The following DDX43 variants were observed in gnomAD, a reference collection of about 807,000 sequenced individuals.
DDX43 encodes the protein DEAD-box helicase 43, also known as probable ATP-dependent RNA helicase DDX43.
DDX43 carries 50 observed loss-of-function variants against 84.9 expected under a neutral mutation model. The observed-to-expected ratio is 0.59, with a 90% CI of 0.47 to 0.75. DDX43 has a LOEUF of 0.75. Among genes scored for constraint, DDX43 ranks in the 30% least tolerant of loss-of-function variants. DDX43 has a pLI of 0.00. For missense variants in DDX43, 689 were observed against 798.6 expected, an observed-to-expected ratio of 0.86 and a Z score of 1.65; for synonymous variants, 291 against 266.3, an observed-to-expected ratio of 1.09 and a Z score of -0.90.
At chr6:73,412,699 G>A (rs1254610561) in intron 11 of DDX43, among the ~76,000 whole-genome samples, 6 of 135,728 alleles carry the variant, frequency 4.4e-5, no homozygotes, top group Non-Finnish European at 9.5e-5. Context: ...GTGCGCGTGC[G>A]TGCGCACGCA....
chr6:73,414,696 C>G lies in DDX43; in HGVS notation c.1745+10C>G, dbSNP rs771022351. The G allele has an allele frequency of 3.1e-6, 5 of 1,603,452 alleles. No individual in the cohort carries two copies. In the East Asian group the frequency reaches 1.1e-4, roughly 36 times the overall value. ...GCACGGGAAGAGCAGGGTAAGTAAG[C>G]TTAGTCCACCCATGAAAGGCCAATT... On this transcript the variant is annotated intron_variant, in intron 14 of 16. Transcript: ENST00000370336.
At chr6:73,395,682 G>C (rs1015799892) in intron 1 of DDX43, among the ~76,000 whole-genome samples, 3 of 151,658 alleles carry the variant, frequency 2.0e-5, no homozygotes, top group Non-Finnish European at 1.5e-5. Context: ...GTATTTGGGA[G>C]AGCAACTCCT....
chr6:73,405,858 A>G (rs2150794663), intron 6 of DDX43, 23 bp downstream of exon 6: 3 of 1,605,702 alleles, frequency 1.9e-6, no homozygotes, highest in Non-Finnish European at 2.6e-6. Flanking sequence ...TAATTACAAT[A>G]TTTCACTCAA....
chr6:73,406,574 TC>T, intron 7 of DDX43, 92 bp downstream of exon 7: 2 of 762,996 alleles, frequency 2.6e-6, no homozygotes, highest in Non-Finnish European at 4.3e-6. Flanking sequence ...TATTGCTTGA[TC>T]CAAAGGTAAT....
In DDX43 at chr6:73,406,472, C is replaced by G; in HGVS notation, c.916C>G (p.Leu306Val). Reference sequence around the variant, plus strand: ...AATGCCTGGATTTATTCATCTGGTCCTTCAACCCAGGTAAGAATTCCTATG... The same window carrying G: ...AATGCCTGGATTTATTCATCTGGTCGTTCAACCCAGGTAAGAATTCCTATG... ...YLMPGFIHLV[L>V]QPSLKGQRNR... Residue 306 changes from leucine to valine, a missense_variant, in exon 7 of 17, where the codon CTT becomes GTT. Leu to Val is a conservative substitution (Grantham distance 32, BLOSUM62 1). This residue lies in a region of DDX43 where 552 missense variants were observed against 692.7 expected (regional missense o/e 0.80). Transcript: ENST00000370336. 6.2e-7 allele frequency: 1 copy of G among 1,605,564 alleles called. No individual in the cohort carries two copies. The highest frequency in any genetic ancestry group is 8.5e-7 in the Non-Finnish European group (1 of 1,172,710).
intron 8 of DDX43, 118 bp downstream of exon 8, chr6:73,407,733 C>A: frequency 1.2e-6 from 1 of 844,848 alleles, no homozygotes; most frequent in Non-Finnish European, 1.9e-6. Context: ...CAGCATGGGT[C>A]AGGCATTTAG....
In DDX43 at chr6:73,413,649, A is replaced by G; in HGVS notation, c.1369-9A>G. On this transcript the variant is annotated splice_polypyrimidine_tract_variant and intron_variant, in intron 11 of 16. Coordinates refer to ENST00000370336, the MANE Select transcript of DDX43 (RefSeq NM_018665.3). ...GACCTTGATGAACTATGTTCTTTGA[A>G]TCCTTTAGGCTGTAAGTTCAGTGAA... 1.9e-6 allele frequency: 3 copies of G among 1,611,458 alleles called. No homozygotes were observed. The highest frequency in any genetic ancestry group is 2.5e-6 in the Non-Finnish European group (3 of 1,179,336).
chr6:73,398,377 G>A (rs1227225237), intron 2 of DDX43, among the ~76,000 whole-genome samples: 8 of 152,132 alleles, frequency 5.3e-5, no homozygotes, highest in African/African-American at 1.9e-4. Flanking sequence ...TCAGCCTCTG[G>A]AGTAGCTGGG....
At chr6:73,409,187 C>A in intron 9 of DDX43, 61 bp from the exon 10 acceptor site, 1 of 1,203,190 alleles carries the variant, frequency 8.3e-7, no homozygotes, top group Non-Finnish European at 1.2e-6. Context: ...ATAAAGAAAG[C>A]ATATGTATTA....
chr6:73,411,945 G>A (rs991087914), intron 10 of DDX43, among the ~76,000 whole-genome samples: 8 of 151,864 alleles, frequency 5.3e-5, no homozygotes, highest in Non-Finnish European at 1.0e-4. Context: ...TGATCCACCC[G>A]CCTTGGCCTC....
rs139484886 is a variant in DDX43 at position 73,398,276 on chromosome 6, G to C, written c.306+532G>C. On this transcript the variant is annotated intron_variant, in intron 2 of 16. Coordinates refer to ENST00000370336, the MANE Select transcript of DDX43 (RefSeq NM_018665.3). The stretch of plus-strand genomic sequence containing the variant: ...AAATCTTTTTTATTTTTTTGAGACA[G>C]AGTCTCACTCTGTCGCCCAGGCTGG... Among the ~76,000 whole-genome samples the C allele has an allele frequency of 5.0e-3, 755 of 151,518 alleles. 9 individuals are homozygous for C. The highest frequency in any genetic ancestry group is 0.017 in the African/African-American group (719 of 41,322).
chr6:73,406,598 A>G, intron 7 of DDX43, 116 bp downstream of exon 7: 2 of 638,548 alleles, frequency 3.1e-6, no homozygotes, highest in Non-Finnish European at 5.4e-6. Flanking sequence ...CTAGCTTCAG[A>G]GAAGATGCAA....
In DDX43 at chr6:73,409,242, A is replaced by G. The variant is rs199741408; in HGVS notation, c.1180-6A>G. 5.8e-5 allele frequency: 93 copies of G among 1,612,222 alleles called. No individual in the cohort carries two copies. The highest frequency in any genetic ancestry group is 6.7e-5 in the Non-Finnish European group (79 of 1,178,620). On this transcript the variant is annotated splice_region_variant and splice_polypyrimidine_tract_variant and intron_variant, in intron 9 of 16. Coordinates refer to ENST00000370336, the MANE Select transcript of DDX43 (RefSeq NM_018665.3). ...AATCTAACCACATTCTTTTTTGTCAATGCAGGTTTTAGATGAAGCAGACAA... is the reference window on the plus strand; with the variant it reads ...AATCTAACCACATTCTTTTTTGTCAGTGCAGGTTTTAGATGAAGCAGACAA...
At position 73,405,213 on chromosome 6, in the gene DDX43, A is replaced by C. The variant is rs529293719; in HGVS notation, c.650+442A>C. Among the ~76,000 whole-genome samples the C allele has an allele frequency of 2.0e-5, 3 of 152,318 alleles. No homozygotes were observed. The East Asian group carries it at 5.8e-4, about 29-fold the overall frequency. On this transcript the variant is annotated intron_variant, in intron 5 of 16. Coordinates refer to ENST00000370336, the MANE Select transcript of DDX43 (RefSeq NM_018665.3). ...AATTGCAATGGTTTTTCTTACTATT[A>C]AAGTCTGATAAAACTAAGAGATGCA...
intron 4 of DDX43, among the ~76,000 whole-genome samples, chr6:73,403,281 G>A (rs920374048): frequency 2.0e-5 from 3 of 152,040 alleles, no homozygotes; most frequent in Non-Finnish European, 1.5e-5. Context: ...ACCAGCCTGG[G>A]CAATATGGTG....
chr6:73,408,003 G>A lies in DDX43; in HGVS notation c.1081G>A (p.Glu361Lys). ...TGGAAATAGAGATGAACAAATAGAA[G>A]AGCTTAAAAAAGGTGTAGATATCAT... ...GGGNRDEQIE[E>K]LKKGVDIIIA... The change falls in exon 9 of 17, where the codon GAG (glutamate) becomes AAG (lysine). Residue 361 changes from glutamate (E) to lysine (K), a missense_variant. Coordinates refer to ENST00000370336, the MANE Select transcript of DDX43 (RefSeq NM_018665.3). The A allele has an allele frequency of 6.2e-7, 1 of 1,613,616 alleles. No individual in the cohort carries two copies. Among genetic ancestry groups the A allele is most frequent in the Non-Finnish European group, 8.5e-7 (1 of 1,179,636 alleles).
chr6:73,409,773 A>G (rs545079360), intron 10 of DDX43, among the ~76,000 whole-genome samples: 7 of 152,318 alleles, frequency 4.6e-5, no homozygotes, highest in East Asian at 1.9e-4. Flanking sequence ...GCTCACGCCT[A>G]TAATCCCAGC....
intron 9 of DDX43, among the ~76,000 whole-genome samples, chr6:73,408,477 C>T (rs1214153757): frequency 2.6e-5 from 4 of 152,094 alleles, no homozygotes; most frequent in Admixed American, 6.6e-5. Context: ...TCTCTTCCCT[C>T]CCCTTGAGCT....
At chr6:73,403,485 A>C (rs1325480082) in intron 4 of DDX43, among the ~76,000 whole-genome samples, 3 of 152,086 alleles carry the variant, frequency 2.0e-5, no homozygotes, top group Non-Finnish European at 2.9e-5. Context: ...GAAAAAAGAA[A>C]AGAAAAGAAA....
Sources: gnomAD v4.1 joint callset for allele counts (sites outside exome capture counted in the v4.1 genomes callset) on GRCh38, gnomAD v4.1.1 for gene constraint, gnomAD v4.1.1 regional missense constraint, MANE v1.5 for transcripts, NCBI Gene and HGNC (gene_info 2026-07-23, HGNC 2026-07-21) for gene names.